The following SCLT1 variants were observed in gnomAD, a reference collection of about 807,000 sequenced individuals.
SCLT1 encodes sodium channel and clathrin linker 1.
In SCLT1, 78 loss-of-function variants were observed where a neutral mutation model predicts 112.8. The observed-to-expected ratio is 0.69, with a 90% CI of 0.58 to 0.83. The LOEUF is 0.83. Ranked by LOEUF, SCLT1 falls within the 40% of genes least tolerant of loss-of-function variation. The pLI, the probability that SCLT1 is intolerant of heterozygous loss-of-function variation, is 0.00. For synonymous variants in SCLT1, 257 were observed against 254.7 expected (o/e 1.01, Z -0.09); for missense variants, 747 against 770.4 (o/e 0.97, Z 0.36).
intron 10 of SCLT1, among the ~76,000 whole-genome samples, chr4:128,966,395 T>G (rs1740193366): frequency 6.6e-6 from 1 of 152,176 alleles, no homozygotes; most frequent in Admixed American, 6.5e-5. Context: ...ATTTAGATAA[T>G]AGTTCAGAGA....
At chr4:129,027,035 G>A (rs1443315959) in intron 5 of SCLT1, among the ~76,000 whole-genome samples, 4 of 152,004 alleles carry the variant, frequency 2.6e-5, no homozygotes, top group Admixed American at 2.0e-4. Flanking sequence ...CCAATAACAG[G>A]CTCTGAAATT....
At chr4:128,971,716 C>T (rs1454792104) in intron 9 of SCLT1, 1 of 151,918 alleles carries the variant, frequency 6.6e-6, no homozygotes, top group Non-Finnish European at 1.5e-5. Flanking sequence ...TTTAAATTAA[C>T]CAAGATTATA....
chr4:129,053,373 T>C (rs1749008969), intron 2 of SCLT1, among the ~76,000 whole-genome samples: 1 of 152,048 alleles, frequency 6.6e-6, no homozygotes, highest in Non-Finnish European at 1.5e-5. Context: ...TAAGTCTCTT[T>C]GTAAGTCTCT....
At chr4:129,010,562 T>C (rs1242564598) in intron 5 of SCLT1, among the ~76,000 whole-genome samples, 1 of 152,200 alleles carries the variant, frequency 6.6e-6, no homozygotes, top group Non-Finnish European at 1.5e-5. Context: ...GAACATTTTT[T>C]CATTTGTTTG....
At chr4:128,928,103 G>A (rs1284964796) in intron 18 of SCLT1, among the ~76,000 whole-genome samples, 1 of 151,594 alleles carries the variant, frequency 6.6e-6, no homozygotes, top group South Asian at 2.1e-4. Flanking sequence ...TTGACTCAAC[G>A]ATAAAAAAAC....
intron 1 of SCLT1, among the ~76,000 whole-genome samples, chr4:129,085,234 A>G (rs1022691951): frequency 6.6e-6 from 1 of 152,210 alleles, no homozygotes; most frequent in Non-Finnish European, 1.5e-5. Flanking sequence ...AAAAGAAGAC[A>G]TATATGCGGT....
At chr4:129,037,325 A>G (rs1002167428) in intron 5 of SCLT1, 1 of 152,168 alleles carries the variant, frequency 6.6e-6, no homozygotes. Flanking sequence ...CCAAAACTAC[A>G]TTGCCCAGAT....
chr4:129,074,307 A>T (rs1243841800), intron 2 of SCLT1, among the ~76,000 whole-genome samples: 1 of 152,210 alleles, frequency 6.6e-6, no homozygotes, highest in African/African-American at 2.4e-5. Flanking sequence ...CTGTTCAAAA[A>T]CTATTTTCTA....
intron 2 of SCLT1, among the ~76,000 whole-genome samples, chr4:129,071,668 C>T (rs1008534215): frequency 4.6e-5 from 7 of 152,106 alleles, no homozygotes; most frequent in African/African-American, 1.7e-4. Flanking sequence ...TCCACCCCTT[C>T]ACTTTAAGTT....
At chr4:128,900,129 C>A (rs1170571809) in intron 18 of SCLT1, among the ~76,000 whole-genome samples, 10 of 152,084 alleles carry the variant, frequency 6.6e-5, no homozygotes, top group Admixed American at 6.5e-4. Context: ...CAATGCCATC[C>A]CCATCAAGCT....
chr4:128,976,925 CAGTTA>C (rs1269713915), intron 9 of SCLT1, among the ~76,000 whole-genome samples: 2 of 152,132 alleles, frequency 1.3e-5, no homozygotes, highest in Admixed American at 6.5e-5. Context: ...CCTTAATTGA[CAGTTA>C]AGTTATCTGT....
intron 2 of SCLT1, among the ~76,000 whole-genome samples, chr4:129,058,950 A>C (rs984414725): frequency 1.3e-5 from 2 of 152,186 alleles, no homozygotes; most frequent in African/African-American, 4.8e-5. Flanking sequence ...ATATTTAAAA[A>C]GATTATATCC....
At chr4:128,881,593 A>C (rs547676203), downstream of SCLT1, among the ~76,000 whole-genome samples, 17 of 152,330 alleles carry the variant, frequency 1.1e-4, no homozygotes, top group African/African-American at 3.8e-4. Context: ...TCAGGGAGAA[A>C]CAATAAAGAA....
At chr4:128,935,153 T>C (rs1476281352) in intron 18 of SCLT1, among the ~76,000 whole-genome samples, 1 of 152,008 alleles carries the variant, frequency 6.6e-6, no homozygotes, top group Non-Finnish European at 1.5e-5. Context: ...TCCCTGACAT[T>C]GAGCCTAACT....
chr4:128,953,356 A>C (rs1738929748), intron 13 of SCLT1, among the ~76,000 whole-genome samples: 1 of 152,180 alleles, frequency 6.6e-6, no homozygotes, highest in African/African-American at 2.4e-5. Flanking sequence ...TTCTGTATCA[A>C]CCTATTGTGT....
At position 129,091,918 on chromosome 4, in the gene SCLT1, A is replaced by G. The variant is rs200642544; in HGVS notation, c.34+1152T>C. 7.9e-5 allele frequency among the ~76,000 whole-genome samples: 12 copies of G among 152,258 alleles called. No individual in the cohort carries two copies. In the East Asian group the frequency reaches 1.9e-3, roughly 25 times the overall value. On this transcript the variant is annotated intron_variant, in intron 1 of 20. Coordinates refer to ENST00000281142, the MANE Select transcript of SCLT1 (RefSeq NM_144643.4). ...AACCACTGGTCTATAATGCTACCAAAACGGAACTTACTACCTTTTTCCTAA... is the reference window on the plus strand; with the variant it reads ...AACCACTGGTCTATAATGCTACCAAGACGGAACTTACTACCTTTTTCCTAA...
chr4:128,937,850 G>T (rs1470500034), intron 17 of SCLT1, among the ~76,000 whole-genome samples: 1 of 152,140 alleles, frequency 6.6e-6, no homozygotes, highest in African/African-American at 2.4e-5. Context: ...GGGGTTCAGG[G>T]AGAGAATTAA....
intron 9 of SCLT1, among the ~76,000 whole-genome samples, chr4:128,982,064 T>TAGAG (rs1741704721): frequency 6.6e-6 from 1 of 152,060 alleles, no homozygotes; most frequent in Non-Finnish European, 1.5e-5. Context: ...TAAGGTAGAG[T>TAGAG]TGGGACAGAA....
downstream of SCLT1, among the ~76,000 whole-genome samples, chr4:128,880,600 T>C (rs1285891033): frequency 6.6e-6 from 1 of 152,184 alleles, no homozygotes; most frequent in Non-Finnish European, 1.5e-5. Flanking sequence ...GAAAAAGACT[T>C]AGGATTTTAG....
Sources: allele counts gnomAD v4.1 joint callset (sites outside exome capture counted in the v4.1 genomes callset), GRCh38; gene constraint gnomAD v4.1.1; transcripts MANE v1.5; gene names NCBI Gene and HGNC (gene_info 2026-07-23, HGNC 2026-07-21).